Variants in NOL4 observed in about 807,000 individuals in gnomAD.
NOL4 encodes the protein nucleolar protein 4, also known as cancer/testis antigen 125.
NOL4 carries 17 observed loss-of-function variants against 75.9 expected under a neutral mutation model. The ratio of observed to expected loss-of-function variants is 0.22; its 90% CI spans 0.15 to 0.34. The LOEUF (loss-of-function observed/expected upper bound fraction) is 0.34. NOL4 is among the 10% of genes least tolerant of loss of function. NOL4 has a pLI of 1.00. For missense variants in NOL4, 614 were observed against 793.5 expected, an observed-to-expected ratio of 0.77 and a Z score of 2.72; for synonymous variants, 292 against 289.9, an observed-to-expected ratio of 1.01 and a Z score of -0.07.
chr18:33,964,657 G>T (rs1320403442), intron 6 of NOL4, among the ~76,000 whole-genome samples: 1 of 152,062 alleles, frequency 6.6e-6, no homozygotes, highest in Non-Finnish European at 1.5e-5. Flanking sequence ...AAATGCAAAG[G>T]CTCAGCTCCC....
intron 1 of NOL4, among the ~76,000 whole-genome samples, chr18:34,181,460 A>C (rs1214605129): frequency 1.3e-5 from 2 of 151,604 alleles, no homozygotes; most frequent in East Asian, 3.9e-4. Flanking sequence ...CTAAAGCTAT[A>C]ACAATCTTAG....
chr18:33,995,630 T>C (rs1018941311), intron 6 of NOL4, among the ~76,000 whole-genome samples: 6 of 151,830 alleles, frequency 4.0e-5, no homozygotes, highest in African/African-American at 1.4e-4. Flanking sequence ...TCCTTTCTTC[T>C]ATTGGGTCAC....
intron 9 of NOL4, among the ~76,000 whole-genome samples, chr18:33,905,335 A>T (rs1031263640): frequency 6.6e-6 from 1 of 152,142 alleles, no homozygotes; most frequent in South Asian, 2.1e-4. Flanking sequence ...TGGGACTGTT[A>T]GAGGTGCTGC....
At chr18:33,900,324 G>T (rs1182897222) in intron 9 of NOL4, among the ~76,000 whole-genome samples, 1 of 151,990 alleles carries the variant, frequency 6.6e-6, no homozygotes, top group Non-Finnish European at 1.5e-5. Flanking sequence ...TTCATGAGGG[G>T]TCCGCCCCCA....
At chr18:33,996,032 A>C (rs1568187429) in intron 6 of NOL4, among the ~76,000 whole-genome samples, 1 of 151,888 alleles carries the variant, frequency 6.6e-6, no homozygotes, top group African/African-American at 2.4e-5. Context: ...TGAAGTCTTG[A>C]AATAGTATCT....
At chr18:34,213,650 T>C (rs1369229235) in intron 1 of NOL4, among the ~76,000 whole-genome samples, 1 of 152,138 alleles carries the variant, frequency 6.6e-6, no homozygotes, top group Non-Finnish European at 1.5e-5. Flanking sequence ...AAATAATGCG[T>C]TTAGACCCCT....
At chr18:34,178,936 T>G (rs2033793672) in intron 1 of NOL4, among the ~76,000 whole-genome samples, 1 of 151,634 alleles carries the variant, frequency 6.6e-6, no homozygotes, top group African/African-American at 2.4e-5. Flanking sequence ...TAAGTGATAT[T>G]TTAGACTATA....
At position 34,019,649 on chromosome 18, in the gene NOL4, C is replaced by T. The variant is rs199851247; in HGVS notation, c.773-48G>A. The T allele has an allele frequency of 1.9e-4, 291 of 1,535,550 alleles. 1 individual carries two copies. Among genetic ancestry groups the T allele is most frequent in the Non-Finnish European group, 2.3e-4 (261 of 1,127,932 alleles). On this transcript the variant is annotated intron_variant, in intron 5 of 10. Coordinates refer to ENST00000261592, the MANE Select transcript of NOL4 (RefSeq NM_003787.5). ...TTTTGATTTTAATTAATATGCTATT[C>T]AGAGTCTACTTCAACTAGCATTTAT...
intron 5 of NOL4, among the ~76,000 whole-genome samples, chr18:34,035,233 A>C (rs1025057198): frequency 6.6e-6 from 1 of 152,232 alleles, no homozygotes; most frequent in African/African-American, 2.4e-5. Context: ...CAAGTCTAAA[A>C]ATATTTGAAA....
At chr18:33,896,151 A>G (rs1568026445) in intron 9 of NOL4, among the ~76,000 whole-genome samples, 1 of 152,174 alleles carries the variant, frequency 6.6e-6, no homozygotes, top group African/African-American at 2.4e-5. Flanking sequence ...GAAATCAGAG[A>G]AGGCACAAAC....
At chr18:34,038,144 T>A (rs2075991820) in intron 5 of NOL4, among the ~76,000 whole-genome samples, 2 of 152,074 alleles carry the variant, frequency 1.3e-5, no homozygotes, top group Admixed American at 1.3e-4. Flanking sequence ...GAAAAAATGC[T>A]CAACATCAGT....
At chr18:33,953,074 G>A (rs543877111) in intron 8 of NOL4, among the ~76,000 whole-genome samples, 1 of 151,996 alleles carries the variant, frequency 6.6e-6, no homozygotes, top group African/African-American at 2.4e-5. Context: ...TTAAGTGCTG[G>A]AGTTCCTGGA....
chr18:34,098,069 G>T (rs544413944), intron 4 of NOL4, among the ~76,000 whole-genome samples: 32 of 152,090 alleles, frequency 2.1e-4, no homozygotes, highest in Non-Finnish European at 3.8e-4. Flanking sequence ...TATGGATATT[G>T]ACCATGTAGT....
chr18:34,116,909 T>C (rs1009475179), intron 2 of NOL4, among the ~76,000 whole-genome samples: 1 of 152,194 alleles, frequency 6.6e-6, no homozygotes, highest in Non-Finnish European at 1.5e-5. Flanking sequence ...CAATGTTTCA[T>C]TTCTAAGTTA....
intron 9 of NOL4, among the ~76,000 whole-genome samples, chr18:33,890,563 C>T (rs2065033314): frequency 6.6e-6 from 1 of 151,966 alleles, no homozygotes; most frequent in African/African-American, 2.4e-5. Flanking sequence ...GAGTTTTATA[C>T]TGTGGTTCTC....
At chr18:33,957,796 A>C (rs2069768546) in intron 7 of NOL4, among the ~76,000 whole-genome samples, 1 of 152,142 alleles carries the variant, frequency 6.6e-6, no homozygotes, top group South Asian at 2.1e-4. Context: ...AATAACAGAG[A>C]CTGTGACAAT....
At chr18:33,861,137 T>C (rs981013526) in intron 10 of NOL4, among the ~76,000 whole-genome samples, 2 of 152,200 alleles carry the variant, frequency 1.3e-5, no homozygotes, top group African/African-American at 2.4e-5. Flanking sequence ...ATCAGGATGA[T>C]GGTGGCCTCA....
chr18:33,931,381 G>A (rs1011316348), intron 9 of NOL4, among the ~76,000 whole-genome samples: 2 of 152,032 alleles, frequency 1.3e-5, no homozygotes, highest in East Asian at 3.9e-4. Flanking sequence ...TACAAGCCCC[G>A]ACATTTTCCA....
At chr18:33,862,233 C>T (rs1384212021) in intron 10 of NOL4, among the ~76,000 whole-genome samples, 1 of 152,030 alleles carries the variant, frequency 6.6e-6, no homozygotes, top group Non-Finnish European at 1.5e-5. Flanking sequence ...AAAGCTGAAA[C>T]TGGATCCCTT....
Sources: gnomAD v4.1 joint callset for allele counts (sites outside exome capture counted in the v4.1 genomes callset) on GRCh38, gnomAD v4.1.1 for gene constraint, MANE v1.5 for transcripts, NCBI Gene and HGNC (gene_info 2026-07-23, HGNC 2026-07-21) for gene names.